The following B4GALNT3 variants were observed in gnomAD, a reference collection of about 807,000 sequenced individuals.
B4GALNT3 encodes beta-1,4-N-acetylgalactosaminyltransferase 3.
Under a neutral mutation model 120.2 loss-of-function variants are expected in B4GALNT3, and 86 were observed. The ratio of observed to expected loss-of-function variants is 0.72; its 90% CI spans 0.60 to 0.86. The LOEUF (loss-of-function observed/expected upper bound fraction) is 0.86. B4GALNT3 is among the 40% of genes least tolerant of loss of function. B4GALNT3 has a pLI of 0.00. For missense variants in B4GALNT3, 1,167 were observed against 1,298.9 expected (o/e 0.90, Z 1.56); for synonymous variants, 518 against 510.4 (o/e 1.01, Z -0.20).
At chr12:512,968 TTTCCACCTTCCACCTTCGATCTTCC>T (rs1946610106) in intron 1 of B4GALNT3, among the ~76,000 whole-genome samples, 1 of 47,232 alleles carries the variant, frequency 2.1e-5, no homozygotes, top group African/African-American at 8.1e-5. Flanking sequence ...CACCTTCCAC[TTTCCACCTTCCACCTTCGATCTTCC>T]TTCCACCTTC....
chr12:493,188 A>G (rs1946359233), intron 1 of B4GALNT3, among the ~76,000 whole-genome samples: 1 of 152,270 alleles, frequency 6.6e-6, no homozygotes, highest in Non-Finnish European at 1.5e-5. Context: ...TGCAAAAGAC[A>G]TATTTGATAA....
intron 6 of B4GALNT3, 68 bp downstream of exon 6, chr12:545,537 C>A: frequency 7.1e-7 from 1 of 1,408,856 alleles, no homozygotes; most frequent in Non-Finnish European, 9.7e-7. Flanking sequence ...CCTCCAGCAG[C>A]TGCTCATTAC....
Position 553,510 on chromosome 12 carries a change from C to T in B4GALNT3, c.1587C>T (p.Ser529=), listed in dbSNP as rs78016283. Residue 529 remains serine, a synonymous_variant, in exon 14 of 20, where the codon TCC becomes TCT. Coordinates refer to ENST00000266383, the MANE Select transcript of B4GALNT3 (RefSeq NM_173593.4). The part of the protein sequence containing the change: ...SPEPSQDSPH[S]DKWPPGHPVK... ...AGCCCAGCCAAGATTCACCTCATTCCGACAAGTGGCCTCCTGGGCACCCTG... is the reference window on the plus strand; with the variant it reads ...AGCCCAGCCAAGATTCACCTCATTCTGACAAGTGGCCTCCTGGGCACCCTG... 3.8e-3 allele frequency: 6,057 copies of T among 1,614,084 alleles called. 128 individuals carry two copies. The African/African-American group carries it at 0.055, about 15-fold the overall frequency.
chr12:503,754 TGAACA>T (rs57044065), intron 1 of B4GALNT3, among the ~76,000 whole-genome samples: 51,839 of 151,698 alleles, frequency 0.34, 10,465 homozygotes, highest in Non-Finnish European at 0.45. Context: ...CACTGATCTC[TGAACA>T]GCTGCCTCCC....
chr12:460,398 C>G lies in B4GALNT3; in HGVS notation c.22C>G (p.Arg8Gly). Reference sequence around the variant, plus strand: ...CGCCATGGGGAGCCCCCGGGCCGCGCGGCCCCCGCTGCTCCTGCGCCCGGT... The same window carrying G: ...CGCCATGGGGAGCCCCCGGGCCGCGGGGCCCCCGCTGCTCCTGCGCCCGGT... MGSPRAARPPLLLRPVKL... is the reference protein window; with the variant it reads MGSPRAAGPPLLLRPVKL... The change falls in exon 1 of 20, where the codon CGG becomes GGG. Residue 8 changes from arginine to glycine, a missense_variant. This residue lies in a region of B4GALNT3 where 171 missense variants were observed against 161.3 expected (regional missense o/e 1.06). Transcript: ENST00000266383. The surrounding 1 kb of genome is among the most constrained non-coding windows in gnomAD (Gnocchi z 8.0). The G allele has an allele frequency of 6.7e-7, 1 of 1,484,928 alleles. No individual in the cohort carries two copies. The highest frequency in any genetic ancestry group is 1.3e-5 in the South Asian group (1 of 79,462). 92.0% of individuals were successfully genotyped at this position (1,484,928 alleles called of 1,614,324 possible). A position where few individuals can be genotyped will look rare whatever the true frequency, so the allele number is the denominator to read the frequency against.
intron 1 of B4GALNT3, among the ~76,000 whole-genome samples, chr12:495,667 G>T: frequency 6.6e-6 from 1 of 152,154 alleles, no homozygotes; most frequent in East Asian, 1.9e-4. Context: ...GCCAAACTGC[G>T]TGCCTGAGGG....
At chr12:543,804 T>C (rs538172812) in intron 3 of B4GALNT3, among the ~76,000 whole-genome samples, 5 of 104,456 alleles carry the variant, frequency 4.8e-5, no homozygotes, top group African/African-American at 3.8e-5. Context: ...GGTGCTCATC[T>C]TCCCGGAGCT....
intron 3 of B4GALNT3, 125 bp downstream of exon 3, chr12:536,420 T>G (rs1319205642): frequency 1.5e-6 from 1 of 661,736 alleles, no homozygotes; most frequent in Non-Finnish European, 2.5e-6. Flanking sequence ...TTGAGAGAGC[T>G]AAAAAATAAT....
intron 10 of B4GALNT3, 73 bp downstream of exon 10, chr12:549,985 A>C: frequency 6.7e-7 from 1 of 1,492,444 alleles, no homozygotes; most frequent in Non-Finnish European, 9.1e-7. Flanking sequence ...GATGGTGGAG[A>C]AGGCTTGAGA....
At chr12:501,269 A>G (rs1338130773) in intron 1 of B4GALNT3, among the ~76,000 whole-genome samples, 1 of 152,176 alleles carries the variant, frequency 6.6e-6, no homozygotes, top group Non-Finnish European at 1.5e-5. Flanking sequence ...TTTCCTCCAT[A>G]AAAAGGAATA....
intron 1 of B4GALNT3, among the ~76,000 whole-genome samples, chr12:519,134 A>T (rs1946683507): frequency 6.6e-6 from 1 of 152,160 alleles, no homozygotes; most frequent in South Asian, 2.1e-4. Context: ...ATGCTGGTGA[A>T]CTCCAGGGAA....
rs756299164 is a variant in B4GALNT3 at position 531,490 on chromosome 12, T to G, written c.170-3676T>G. 2.9e-4 allele frequency among the ~76,000 whole-genome samples: 44 copies of G among 152,062 alleles called. 1 individual carries two copies. Among genetic ancestry groups the G allele is most frequent in the South Asian group, 1.9e-3 (9 of 4,798 alleles). On this transcript the variant is annotated intron_variant, in intron 1 of 19. Coordinates refer to ENST00000266383, the MANE Select transcript of B4GALNT3 (RefSeq NM_173593.4). ...ATAGAAAGACCCCATCTCTAAAATT[T>G]TTTTTTTTAATTAACCAACTATGGT...
rs149363012 is a variant in B4GALNT3 at position 561,354 on chromosome 12, C to T, written c.2900C>T (p.Ala967Val). Residue 967 changes from alanine to valine, a missense_variant, in exon 20 of 20, where the codon GCG becomes GTG. By Grantham distance (64) the Ala-to-Val change is moderately conservative (BLOSUM62 0). This residue lies in a region of B4GALNT3 where 983 missense variants were observed against 1,102.5 expected (regional missense o/e 0.89). Transcript: ENST00000266383. Reference protein sequence around the residue: ...DWELLDRILQAGLDVERLSLR... With the variant: ...DWELLDRILQVGLDVERLSLR... ...TTCTCCTCCTCCAGGATACTCCAAG[C>T]GGGCCTGGACGTGGAGCGTCTCTCC... The T allele has an allele frequency of 0.02, 32,064 of 1,612,844 alleles. 409 individuals carry two copies. The highest frequency in any genetic ancestry group is 0.024 in the Non-Finnish European group (27,845 of 1,178,918).
chr12:540,230 G>A (rs996473265), intron 3 of B4GALNT3, among the ~76,000 whole-genome samples: 2 of 152,202 alleles, frequency 1.3e-5, no homozygotes, highest in African/African-American at 2.4e-5. Context: ...CTCTGCCAGA[G>A]CCCCTGGCGC....
intron 1 of B4GALNT3, among the ~76,000 whole-genome samples, chr12:484,990 C>T (rs1283389874): frequency 5.3e-5 from 8 of 152,088 alleles, no homozygotes; most frequent in Non-Finnish European, 1.5e-5. Context: ...ATTCCAAGAG[C>T]TATGGTGTTC....
At position 548,020 on chromosome 12, in the gene B4GALNT3, C is replaced by T. The variant is rs1947029911; in HGVS notation, c.708-4C>T. ...CTCTGCTTCCCTGCCCTCTCTCCCGCCAGCCTGTCAGCCTCCCACAGGTAC... is the reference window on the plus strand; with the variant it reads ...CTCTGCTTCCCTGCCCTCTCTCCCGTCAGCCTGTCAGCCTCCCACAGGTAC... On this transcript the variant is annotated splice_polypyrimidine_tract_variant and splice_region_variant and intron_variant, in intron 7 of 19. Coordinates refer to ENST00000266383, the MANE Select transcript of B4GALNT3 (RefSeq NM_173593.4). The surrounding 1 kb of genome is among the most constrained non-coding windows in gnomAD (Gnocchi z 4.9). The T allele has an allele frequency of 7.4e-6, 12 of 1,613,716 alleles. No individual in the cohort carries two copies. Among genetic ancestry groups the T allele is most frequent in the Non-Finnish European group, 1.0e-5 (12 of 1,179,958 alleles).
chr12:496,040 A>C (rs56041100), intron 1 of B4GALNT3, among the ~76,000 whole-genome samples: 1,604 of 152,264 alleles, frequency 0.011, 18 homozygotes, highest in Non-Finnish European at 0.015. Flanking sequence ...GGTACATAAA[A>C]GGTTGGAATT....
chr12:497,725 T>G (rs1946401318), intron 1 of B4GALNT3, among the ~76,000 whole-genome samples: 1 of 152,154 alleles, frequency 6.6e-6, no homozygotes, highest in Non-Finnish European at 1.5e-5. Context: ...AGGTGGTCAC[T>G]TTTCCTCATG....
At chr12:511,444 A>G (rs1320342440) in intron 1 of B4GALNT3, among the ~76,000 whole-genome samples, 8 of 41,206 alleles carry the variant, frequency 1.9e-4, no homozygotes, top group East Asian at 1.6e-3. Flanking sequence ...TCCACCTTCC[A>G]CCTTCCACCT....
Sources: gnomAD v4.1 joint callset for allele counts (sites outside exome capture counted in the v4.1 genomes callset) on GRCh38, gnomAD v4.1.1 for gene constraint, gnomAD v4.1.1 regional missense constraint, Gnocchi (gnomAD v3.1) non-coding constraint, MANE v1.5 for transcripts, NCBI Gene and HGNC (gene_info 2026-07-23, HGNC 2026-07-21) for gene names.